Variants in MAML3 observed in about 807,000 individuals in gnomAD.
The protein encoded by MAML3 is mastermind-like protein 3.
MAML3 carries 27 observed loss-of-function variants against 101.9 expected under a neutral mutation model. The observed-to-expected ratio is 0.27, with a 90% confidence interval of 0.20 to 0.37. MAML3 has a LOEUF of 0.37. Ranked by LOEUF, MAML3 falls within the 10% of genes least tolerant of loss-of-function variation. MAML3 has a pLI of 1.00. For missense variants in MAML3, 1,316 were observed against 1,444.9 expected (o/e 0.91, Z 1.45); for synonymous variants, 501 against 555.9 (o/e 0.90, Z 1.39).
intron 2 of MAML3, among the ~76,000 whole-genome samples, chr4:139,863,875 A>G (rs1043469764): frequency 7.1e-6 from 1 of 139,902 alleles, no homozygotes; most frequent in Non-Finnish European, 1.5e-5. Context: ...AACCCTTGAC[A>G]TGGGAGGGGA....
intron 1 of MAML3, among the ~76,000 whole-genome samples, chr4:139,963,379 T>C (rs976339276): frequency 6.6e-6 from 1 of 152,228 alleles, no homozygotes; most frequent in African/African-American, 2.4e-5. Context: ...AAAGCGTCTA[T>C]TTGATGCCAA....
intron 1 of MAML3, among the ~76,000 whole-genome samples, chr4:140,044,272 T>C (rs140900104): frequency 6.6e-6 from 1 of 152,300 alleles, no homozygotes; most frequent in Non-Finnish European, 1.5e-5. Flanking sequence ...AGGGAGGGCT[T>C]AAAGGGTGGA....
chr4:139,916,472 A>C (rs1733030595), intron 1 of MAML3, among the ~76,000 whole-genome samples: 1 of 152,230 alleles, frequency 6.6e-6, no homozygotes, highest in Admixed American at 6.5e-5. Flanking sequence ...GGGTCATGGT[A>C]ATGGCTAATC....
At chr4:139,998,497 G>A (rs986957993) in intron 1 of MAML3, among the ~76,000 whole-genome samples, 2 of 152,066 alleles carry the variant, frequency 1.3e-5, no homozygotes, top group African/African-American at 4.8e-5. Flanking sequence ...ACCTTTCAAA[G>A]TCTTTTTATA....
rs535914021 is a variant in MAML3, at chr4:139,784,892, C to T, written c.2080-54225G>A. The stretch of plus-strand genomic sequence containing the variant: ...TCACAAGTGGGAGCTAATGTGTGCA[C>T]GTGGACATGGAGTGTGGAATGATAG... On this transcript the variant is annotated intron_variant, in intron 2 of 4. Transcript: ENST00000509479. Among the ~76,000 whole-genome samples the T allele has an allele frequency of 1.6e-4, 25 of 151,760 alleles. 1 individual carries two copies. Among genetic ancestry groups the T allele is most frequent in the East Asian group, 1.4e-3 (7 of 5,154 alleles).
At chr4:139,805,396 T>C (rs1238224933) in intron 2 of MAML3, among the ~76,000 whole-genome samples, 1 of 152,258 alleles carries the variant, frequency 6.6e-6, no homozygotes, top group East Asian at 1.9e-4. Context: ...TAATTACTAA[T>C]GACTTCTGGC....
chr4:140,047,655 G>T (rs1727203826), intron 1 of MAML3, among the ~76,000 whole-genome samples: 1 of 152,050 alleles, frequency 6.6e-6, no homozygotes, highest in South Asian at 2.1e-4. Flanking sequence ...TTGCCGGCCA[G>T]TCCTTTATTT....
At chr4:139,983,558 G>A (rs1734483265) in intron 1 of MAML3, among the ~76,000 whole-genome samples, 1 of 152,122 alleles carries the variant, frequency 6.6e-6, no homozygotes, top group Non-Finnish European at 1.5e-5. Context: ...TTTGCTGGTT[G>A]AGCATCTGAA....
intron 1 of MAML3, among the ~76,000 whole-genome samples, chr4:139,935,635 G>GT (rs1733492613): frequency 7.8e-6 from 1 of 127,816 alleles, no homozygotes; most frequent in Non-Finnish European, 1.6e-5. Flanking sequence ...CTTTCCTAGG[G>GT]TTTTTTTGTT....
At chr4:140,088,409 C>A (rs777137954) in intron 1 of MAML3, among the ~76,000 whole-genome samples, 1 of 152,170 alleles carries the variant, frequency 6.6e-6, no homozygotes, top group African/African-American at 2.4e-5. Flanking sequence ...GTAGTCTTAT[C>A]CTTTGAATGA....
intron 1 of MAML3, among the ~76,000 whole-genome samples, chr4:139,939,152 G>A (rs1578607786): frequency 6.6e-6 from 1 of 152,120 alleles, no homozygotes; most frequent in South Asian, 2.1e-4. Context: ...CTCATCTGAG[G>A]CTACCTCTTT....
intron 1 of MAML3, among the ~76,000 whole-genome samples, chr4:140,006,954 T>C (rs1311388057): frequency 6.6e-6 from 1 of 152,176 alleles, no homozygotes; most frequent in Non-Finnish European, 1.5e-5. Flanking sequence ...AACTTGGTTA[T>C]GTTTAAAGAA....
At chr4:139,820,528 T>C (rs1730956799) in intron 2 of MAML3, among the ~76,000 whole-genome samples, 1 of 152,190 alleles carries the variant, frequency 6.6e-6, no homozygotes, top group Admixed American at 6.5e-5. Flanking sequence ...TATTCTTCAT[T>C]TAGATTCAGA....
chr4:139,743,712 CAG>C (rs1191223477), intron 2 of MAML3, among the ~76,000 whole-genome samples: 3 of 152,124 alleles, frequency 2.0e-5, no homozygotes, highest in Admixed American at 1.3e-4. Flanking sequence ...CTTAGGTTCT[CAG>C]GGGATAATTT....
chr4:140,143,223 C>T (rs1729004061), intron 1 of MAML3, among the ~76,000 whole-genome samples: 1 of 152,218 alleles, frequency 6.6e-6, no homozygotes, highest in South Asian at 2.1e-4. Context: ...ACCACTGCAT[C>T]CTCAGTGGCT....
At chr4:139,919,931 T>G (rs1432783467) in intron 1 of MAML3, among the ~76,000 whole-genome samples, 1 of 152,206 alleles carries the variant, frequency 6.6e-6, no homozygotes, top group Non-Finnish European at 1.5e-5. Flanking sequence ...GAATAATAGA[T>G]TTTAATACAC....
At chr4:139,764,536 T>C (rs1288360082) in intron 2 of MAML3, among the ~76,000 whole-genome samples, 2 of 152,176 alleles carry the variant, frequency 1.3e-5, no homozygotes, top group Admixed American at 6.5e-5. Flanking sequence ...TTTTGCCTGA[T>C]GTGGGGCTAA....
At chr4:139,826,768 C>G (rs1462579975) in intron 2 of MAML3, among the ~76,000 whole-genome samples, 1 of 152,134 alleles carries the variant, frequency 6.6e-6, no homozygotes, top group Non-Finnish European at 1.5e-5. Context: ...AAAACATCCA[C>G]AAATGTGGTT....
intron 1 of MAML3, among the ~76,000 whole-genome samples, chr4:139,904,185 C>A (rs559017976): frequency 1.1e-4 from 16 of 152,336 alleles, no homozygotes; most frequent in African/African-American, 3.8e-4. Flanking sequence ...GACTTCTAGC[C>A]TCCTTATGAG....
Sources: allele counts gnomAD v4.1 joint callset (sites outside exome capture counted in the v4.1 genomes callset), GRCh38; gene constraint gnomAD v4.1.1; transcripts MANE v1.5; gene names NCBI Gene and HGNC (gene_info 2026-07-23, HGNC 2026-07-21).